The following SPECC1L variants were observed in gnomAD, a reference collection of about 807,000 sequenced individuals.
SPECC1L encodes sperm antigen with calponin homology and coiled-coil domains 1 like.
SPECC1L carries 40 observed loss-of-function variants against 116.8 expected under a neutral mutation model. The ratio of observed to expected loss-of-function variants is 0.34; its 90% CI spans 0.27 to 0.45. The LOEUF (loss-of-function observed/expected upper bound fraction) is 0.45, where lower values mean the gene tolerates loss of function less well. Ranked by LOEUF, SPECC1L falls within the 20% of genes least tolerant of loss-of-function variation. SPECC1L has a pLI of 1.00. For synonymous variants in SPECC1L, 504 were observed against 500.6 expected (o/e 1.01, Z -0.09); for missense variants, 1,110 against 1,373.6 (o/e 0.81, Z 3.03).
At chr22:24,296,700 G>T (rs1318741147) in intron 2 of SPECC1L, among the ~76,000 whole-genome samples, 3 of 152,276 alleles carry the variant, frequency 2.0e-5, no homozygotes. Flanking sequence ...CTAGGGAGGA[G>T]TGTCAGCCAG....
In SPECC1L at chr22:24,414,684, C is replaced by A; in HGVS notation, c.*61C>A. ...CCCCTCCACAGCGACCGAGCGACACCGACGCCATTAGCTACGCACCCCTGT... is the reference window on the plus strand; with the variant it reads ...CCCCTCCACAGCGACCGAGCGACACAGACGCCATTAGCTACGCACCCCTGT... On this transcript the variant is annotated 3_prime_UTR_variant, in exon 17 of 17. Coordinates refer to ENST00000314328, the MANE Select transcript of SPECC1L (RefSeq NM_015330.6). 6.9e-7 allele frequency: 1 copy of A among 1,450,214 alleles called. No individual in the cohort carries two copies. The highest frequency in any genetic ancestry group is 9.7e-7 in the Non-Finnish European group (1 of 1,036,262). 89.8% of individuals were successfully genotyped at this position (1,450,214 alleles called of 1,614,324 possible).
At chr22:24,403,478 A>G (rs538849840) in intron 14 of SPECC1L, among the ~76,000 whole-genome samples, 34 of 152,298 alleles carry the variant, frequency 2.2e-4, no homozygotes, top group African/African-American at 7.2e-4. Context: ...CCTTCCGTTA[A>G]TGTGCATTTT....
intron 8 of SPECC1L, among the ~76,000 whole-genome samples, chr22:24,331,140 CAT>C (rs1353151491): frequency 7.9e-5 from 12 of 152,138 alleles, no homozygotes; most frequent in Admixed American, 5.9e-4. Flanking sequence ...ACAGTTGTGA[CAT>C]GTGAGCTCCA....
Position 24,330,361 on chromosome 22 carries a change from C to A in SPECC1L, c.2326C>A (p.Arg776Ser). The A allele has an allele frequency of 6.2e-7, 1 of 1,613,952 alleles. No homozygotes were observed. Among genetic ancestry groups the A allele is most frequent in the Non-Finnish European group, 8.5e-7 (1 of 1,179,998 alleles). ...CCAAGAGGAGATTGGTGATCTAAAGCGCCGGTTACATGAGGCTCAAGAAAA... is the reference window on the plus strand; with the variant it reads ...CCAAGAGGAGATTGGTGATCTAAAGAGCCGGTTACATGAGGCTCAAGAAAA... ...EAQEEIGDLK[R>S]RLHEAQEKNE... Residue 776 changes from arginine to serine, a missense_variant, in exon 8 of 17, where the codon CGC (arginine) becomes AGC (serine). Transcript: ENST00000314328.
chr22:24,386,664 C>T (rs950781317), intron 14 of SPECC1L, among the ~76,000 whole-genome samples: 3 of 151,886 alleles, frequency 2.0e-5, no homozygotes, highest in Non-Finnish European at 2.9e-5. Context: ...AGTGCAGTGG[C>T]GCTATCTCAG....
Position 24,414,844 on chromosome 22 carries a change from T to C in SPECC1L, c.*221T>C. The C allele has an allele frequency of 3.4e-6, 2 of 580,144 alleles. No homozygotes were observed. Among genetic ancestry groups the C allele is most frequent in the Middle Eastern group, 4.7e-4 (1 of 2,124 alleles). The allele number at this position is 580,144 out of a possible 1,614,324, so 35.9% of individuals were successfully genotyped here. A position where few individuals can be genotyped will look rare whatever the true frequency, so the allele number is the denominator to read the frequency against. ...CCACATGACCCGTCCATTCAGGTCATGTGGGCTCAGCACACATCCTGCAGG... is the reference window on the plus strand; with the variant it reads ...CCACATGACCCGTCCATTCAGGTCACGTGGGCTCAGCACACATCCTGCAGG... On this transcript the variant is annotated 3_prime_UTR_variant, in exon 17 of 17. Coordinates refer to ENST00000314328, the MANE Select transcript of SPECC1L (RefSeq NM_015330.6).
intron 2 of SPECC1L, among the ~76,000 whole-genome samples, chr22:24,297,612 T>C (rs1210532592): frequency 1.3e-5 from 2 of 152,228 alleles, no homozygotes; most frequent in Non-Finnish European, 2.9e-5. Flanking sequence ...CCAGTTGCCC[T>C]TTATCTATGG....
intron 2 of SPECC1L, among the ~76,000 whole-genome samples, chr22:24,292,611 A>T (rs1278315198): frequency 6.6e-6 from 1 of 152,104 alleles, no homozygotes; most frequent in Non-Finnish European, 1.5e-5. Flanking sequence ...CTTGACCTTT[A>T]AGTTCAGTTC....
intron 2 of SPECC1L, among the ~76,000 whole-genome samples, chr22:24,297,871 C>T (rs1278452376): frequency 6.6e-6 from 1 of 152,248 alleles, no homozygotes; most frequent in Non-Finnish European, 1.5e-5. Context: ...TGTCTGGTAT[C>T]ACAGTGCTTG....
intron 5 of SPECC1L, 102 bp downstream of exon 5, chr22:24,323,020 T>C: frequency 6.7e-7 from 1 of 1,491,040 alleles, no homozygotes; most frequent in Non-Finnish European, 8.9e-7. Flanking sequence ...GGTGTGTTAT[T>C]AGCTTTTTTT....
rs1312346388 is a variant in SPECC1L at position 24,415,396 on chromosome 22, C to T, written c.*773C>T. 1.3e-5 allele frequency: 2 copies of T among 152,694 alleles called. No individual in the cohort carries two copies. Among genetic ancestry groups the T allele is most frequent in the African/African-American group, 4.8e-5 (2 of 41,440 alleles). The allele number at this position is 152,694 out of a possible 1,614,324, so 9.5% of individuals were successfully genotyped here. A position where few individuals can be genotyped will look rare whatever the true frequency, so the allele number is the denominator to read the frequency against. On this transcript the variant is annotated 3_prime_UTR_variant, in exon 17 of 17. Coordinates refer to ENST00000314328, the MANE Select transcript of SPECC1L (RefSeq NM_015330.6). ...GAGTCCCAGCTCTGGCTTTAGATTT[C>T]TTCATCATAAGGAGTTTTTCTAGTT...
At chr22:24,398,817 A>G (rs114059211) in intron 14 of SPECC1L, among the ~76,000 whole-genome samples, 103 of 152,330 alleles carry the variant, frequency 6.8e-4, no homozygotes, top group African/African-American at 1.7e-3. Flanking sequence ...TTTGGGGGTT[A>G]GGATGAGGAC....
chr22:24,287,075 G>A (rs866528720), intron 2 of SPECC1L, among the ~76,000 whole-genome samples: 2 of 152,170 alleles, frequency 1.3e-5, no homozygotes, highest in Non-Finnish European at 2.9e-5. Flanking sequence ...GACAAGGGAA[G>A]GTATCACTAA....
intron 4 of SPECC1L, among the ~76,000 whole-genome samples, chr22:24,319,694 C>G (rs1474820288): frequency 6.6e-6 from 1 of 152,148 alleles, no homozygotes; most frequent in African/African-American, 2.4e-5. Context: ...GTGCCATGTT[C>G]ACTTCTGCTT....
chr22:24,305,664 G>A (rs2049479450), intron 3 of SPECC1L, among the ~76,000 whole-genome samples: 1 of 152,144 alleles, frequency 6.6e-6, no homozygotes, highest in Non-Finnish European at 1.5e-5. Context: ...ATACACATGT[G>A]CACCCATTTG....
chr22:24,280,200 A>G lies in SPECC1L; in HGVS notation c.-38+3397A>G, dbSNP rs578167658. 6.9e-3 allele frequency among the ~76,000 whole-genome samples: 1,057 copies of G among 152,284 alleles called. 4 individuals are homozygous for G. Among genetic ancestry groups the G allele is most frequent in the Non-Finnish European group, 0.011 (755 of 68,026 alleles). ...GTAATCAGCCTCCCCTTGTACATGT[A>G]GGGACCGCATCTCCAATGCCTTGCT... is the stretch of plus-strand genomic sequence containing the variant. On this transcript the variant is annotated intron_variant, in intron 2 of 16. Coordinates refer to ENST00000314328, the MANE Select transcript of SPECC1L (RefSeq NM_015330.6).
chr22:24,323,547 A>G (rs1435874303), intron 5 of SPECC1L, among the ~76,000 whole-genome samples: 2 of 152,302 alleles, frequency 1.3e-5, no homozygotes, highest in South Asian at 2.1e-4. Flanking sequence ...GGATCTATCT[A>G]TACCCCATGT....
intron 14 of SPECC1L, among the ~76,000 whole-genome samples, chr22:24,408,364 C>T (rs555434366): frequency 2.0e-5 from 3 of 152,314 alleles, no homozygotes; most frequent in Admixed American, 6.5e-5. Context: ...AGCAGAGAGC[C>T]GCATGGAGGG....
intron 14 of SPECC1L, among the ~76,000 whole-genome samples, chr22:24,384,222 G>GA (rs1490384975): frequency 1.3e-5 from 2 of 151,948 alleles, no homozygotes; most frequent in Non-Finnish European, 2.9e-5. Flanking sequence ...CAAGGACAGT[G>GA]AAAAAAATAT....
Sources: gnomAD v4.1 joint callset for allele counts (sites outside exome capture counted in the v4.1 genomes callset) on GRCh38, gnomAD v4.1.1 for gene constraint, MANE v1.5 for transcripts, NCBI Gene and HGNC (gene_info 2026-07-23, HGNC 2026-07-21) for gene names.